GINS1: variants seen among roughly 807,000 people sequenced by gnomAD.
GINS1 encodes DNA replication complex GINS protein PSF1.
A neutral mutation model predicts 34.9 loss-of-function variants in GINS1; 26 were observed. That is an observed-to-expected ratio of 0.74 (90% CI 0.55 to 1.03). The LOEUF is 1.03. GINS1 is among the 50% of genes least tolerant of loss of function. The probability of loss-of-function intolerance (pLI) is 0.00; values close to 1 mark genes in which losing one functional copy is unlikely to be tolerated. For missense variants in GINS1, 235 were observed against 237.9 expected, an observed-to-expected ratio of 0.99 and a Z score of 0.08; for synonymous variants, 97 against 84.4, an observed-to-expected ratio of 1.15 and a Z score of -0.82.
At chr20:25,435,777 AAAAAAAAAAAAC>A (rs1164907475) in intron 5 of GINS1, among the ~76,000 whole-genome samples, 2 of 123,504 alleles carry the variant, frequency 1.6e-5, no homozygotes, top group African/African-American at 6.3e-5. Context: ...AAAAAAAAAA[AAAAAAAAAAAAC>A]CAACTTTTTG....
intron 1 of GINS1, 127 bp downstream of exon 1, chr20:25,408,022 A>G (rs2090258231): frequency 2.9e-6 from 2 of 693,364 alleles, no homozygotes; most frequent in South Asian, 3.2e-5. Flanking sequence ...CTTGGGAAGC[A>G]GCAAAACAAA....
chr20:25,428,504 C>T (rs1600933731), intron 5 of GINS1, among the ~76,000 whole-genome samples: 3 of 144,654 alleles, frequency 2.1e-5, no homozygotes, highest in South Asian at 2.2e-4. Flanking sequence ...CCTGGGTTCA[C>T]GCCATTCTCC....
chr20:25,446,999 G>C lies in GINS1; in HGVS notation c.*1008G>C. On this transcript the variant is annotated 3_prime_UTR_variant, in exon 7 of 7. Coordinates refer to ENST00000262460, the MANE Select transcript of GINS1 (RefSeq NM_021067.5). Reference sequence around the variant, plus strand: ...GTTATAATTTTAAGCTTTATACTTTGGTCTATGACCCGTTTTTTTTTTTGT... The same window carrying C: ...GTTATAATTTTAAGCTTTATACTTTCGTCTATGACCCGTTTTTTTTTTTGT... 6.6e-6 allele frequency: 1 copy of C among 151,036 alleles called. No individual in the cohort carries two copies. Among genetic ancestry groups the C allele is most frequent in the Non-Finnish European group, 1.5e-5 (1 of 67,806 alleles). The allele number at this position is 151,036 out of a possible 1,614,324, so 9.4% of individuals were successfully genotyped here.
In GINS1 at chr20:25,425,261, A is replaced by T. The variant is rs776323832; in HGVS notation, c.381A>T (p.Ser127=). 3 of 1,573,370 alleles carry T rather than the reference A, an allele frequency of 1.9e-6. No homozygotes were observed. In the East Asian group the frequency reaches 6.7e-5, roughly 35 times the overall value. The part of the protein sequence containing the change: ...YKRSLATYMR[S]LGGDEGLDIT... ...GATCTCTTGCTACTTATATGAGGTCACTGGGAGGAGATGAAGGTTTGGACA... is the reference window on the plus strand; with the variant it reads ...GATCTCTTGCTACTTATATGAGGTCTCTGGGAGGAGATGAAGGTTTGGACA... The change falls in exon 5 of 7, where the codon TCA becomes TCT. Residue 127 remains serine, a synonymous_variant. Transcript: ENST00000262460.
rs2090513671 is a variant in GINS1, at chr20:25,446,543, C to T, written c.*552C>T. 1 of 152,222 alleles carries T rather than the reference C, an allele frequency of 6.6e-6. No individual in the cohort carries two copies. The highest frequency in any genetic ancestry group is 3.2e-3 in the Middle Eastern group (1 of 316). The allele number at this position is 152,222 out of a possible 1,614,324, so 9.4% of individuals were successfully genotyped here. A position where few individuals can be genotyped will look rare whatever the true frequency, so the allele number is the denominator to read the frequency against. ...TAGAGAGCTGAATTTCTGAGATACA[C>T]ATTTTCAAATCACATGCAAGTGAAG... On this transcript the variant is annotated 3_prime_UTR_variant, in exon 7 of 7. Transcript: ENST00000262460.
At chr20:25,419,621 C>A in intron 4 of GINS1, 1 of 842,460 alleles carries the variant, frequency 1.2e-6, no homozygotes, top group South Asian at 2.1e-5. Context: ...TCTCTAACGA[C>A]AGTAGCTTTA....
intron 6 of GINS1, among the ~76,000 whole-genome samples, chr20:25,443,476 CTT>C (rs11482627): frequency 1.4e-4 from 17 of 124,704 alleles, no homozygotes; most frequent in Admixed American, 2.6e-4. Flanking sequence ...GGTTGAATTT[CTT>C]TTTTTTTTTT....
chr20:25,433,369 C>T (rs547605995), intron 5 of GINS1, among the ~76,000 whole-genome samples: 11 of 152,164 alleles, frequency 7.2e-5, no homozygotes, highest in African/African-American at 1.9e-4. Flanking sequence ...CCCACAGATA[C>T]CAAGATCCAT....
At chr20:25,420,509 GTTTGTGAA>G (rs377673100) in intron 4 of GINS1, among the ~76,000 whole-genome samples, 1 of 152,264 alleles carries the variant, frequency 6.6e-6, no homozygotes, top group African/African-American at 2.4e-5. Flanking sequence ...TCTTGGAAGA[GTTTGTGAA>G]TTACTGCAAA....
At chr20:25,443,671 G>A (rs2090494945) in intron 6 of GINS1, among the ~76,000 whole-genome samples, 1 of 151,444 alleles carries the variant, frequency 6.6e-6, no homozygotes, top group African/African-American at 2.4e-5. Flanking sequence ...TAGTAGAGGC[G>A]GCGTTTCACC....
intron 1 of GINS1, among the ~76,000 whole-genome samples, chr20:25,413,154 G>T (rs2090297317): frequency 6.6e-6 from 1 of 151,626 alleles, no homozygotes; most frequent in Admixed American, 6.6e-5. Flanking sequence ...GGGTTCAAGC[G>T]ATTTCCCCTG....
At chr20:25,427,458 A>G (rs1373942201) in intron 5 of GINS1, among the ~76,000 whole-genome samples, 1 of 152,140 alleles carries the variant, frequency 6.6e-6, no homozygotes, top group Non-Finnish European at 1.5e-5. Context: ...TCAGCCTCCC[A>G]AAGGCATGAG....
chr20:25,421,420 T>C (rs2090354727), intron 4 of GINS1, among the ~76,000 whole-genome samples: 1 of 152,220 alleles, frequency 6.6e-6, no homozygotes, highest in South Asian at 2.1e-4. Context: ...TGAAAGAATA[T>C]GAAAGCACAC....
chr20:25,428,641 T>A (rs1360752317), intron 5 of GINS1, among the ~76,000 whole-genome samples: 1 of 151,806 alleles, frequency 6.6e-6, no homozygotes, highest in Non-Finnish European at 1.5e-5. Flanking sequence ...CCTAACCTTG[T>A]GATCCGCCCA....
chr20:25,411,311 G>A (rs767972018), intron 1 of GINS1: 9 of 152,146 alleles, frequency 5.9e-5, no homozygotes, highest in Non-Finnish European at 8.8e-5. Flanking sequence ...TTGGGCTCAG[G>A]TAGAAGTCAT....
At chr20:25,412,381 C>G (rs1413073215) in intron 1 of GINS1, among the ~76,000 whole-genome samples, 1 of 141,276 alleles carries the variant, frequency 7.1e-6, no homozygotes, top group East Asian at 1.9e-4. Flanking sequence ...TAGTGAAACC[C>G]CGTCTCTACT....
At chr20:25,444,157 G>T (rs765268179) in intron 6 of GINS1, among the ~76,000 whole-genome samples, 3 of 151,902 alleles carry the variant, frequency 2.0e-5, no homozygotes, top group Non-Finnish European at 4.4e-5. Flanking sequence ...GATTGCAGGC[G>T]TGTGTCACCA....
At chr20:25,411,903 A>T (rs933603844) in intron 1 of GINS1, among the ~76,000 whole-genome samples, 1 of 151,790 alleles carries the variant, frequency 6.6e-6, no homozygotes, top group East Asian at 1.9e-4. Context: ...AGATTGCACC[A>T]TTGTACTCCA....
At chr20:25,408,952 C>G (rs988199298) in intron 1 of GINS1, 3 of 982,282 alleles carry the variant, frequency 3.1e-6, no homozygotes, top group Non-Finnish European at 3.6e-6. Context: ...ATTCACCACG[C>G]TAAGTGATAC....
Sources: allele counts gnomAD v4.1 joint callset (sites outside exome capture counted in the v4.1 genomes callset), GRCh38; gene constraint gnomAD v4.1.1; transcripts MANE v1.5; gene names NCBI Gene and HGNC (gene_info 2026-07-23, HGNC 2026-07-21).